THSD7B: variants seen among roughly 807,000 people sequenced by gnomAD.
THSD7B encodes thrombospondin type-1 domain-containing protein 7B.
THSD7B carries 138 observed loss-of-function variants against 213.6 expected under a neutral mutation model. The ratio of observed to expected loss-of-function variants is 0.65; its 90% CI spans 0.56 to 0.74. THSD7B has a LOEUF of 0.74. Among genes scored for constraint, THSD7B ranks in the 30% least tolerant of loss-of-function variants. THSD7B has a pLI of 0.00. For synonymous variants in THSD7B, 742 were observed against 687.0 expected (o/e 1.08, Z -1.25); for missense variants, 1,931 against 1,991.5 (o/e 0.97, Z 0.58).
At chr2:137,313,311 C>T (rs987361230) in intron 12 of THSD7B, among the ~76,000 whole-genome samples, 1 of 152,038 alleles carries the variant, frequency 6.6e-6, no homozygotes, top group African/African-American at 2.4e-5. Context: ...TCTGTTTTAT[C>T]AGAGATGAGG....
chr2:137,204,768 A>G (rs1680948606), intron 7 of THSD7B, among the ~76,000 whole-genome samples: 1 of 151,878 alleles, frequency 6.6e-6, no homozygotes, highest in South Asian at 2.1e-4. Flanking sequence ...TTATACTGAA[A>G]AGTATGATTT....
intron 2 of THSD7B, among the ~76,000 whole-genome samples, chr2:136,886,280 G>A (rs12691900): frequency 0.89 from 135,825 of 152,132 alleles, 60,791 homozygotes; most frequent in East Asian, 0.93. Context: ...TGACTTTCTT[G>A]TTGACTTTCT....
At chr2:137,309,882 G>A (rs187064119) in intron 12 of THSD7B, among the ~76,000 whole-genome samples, 3,405 of 151,760 alleles carry the variant, frequency 0.022, 108 homozygotes, top group African/African-American at 0.068. Context: ...TATATGTGCC[G>A]CATTTTCTTA....
At chr2:136,783,654 C>T (rs149847297) in intron 1 of THSD7B, among the ~76,000 whole-genome samples, 103 of 152,238 alleles carry the variant, frequency 6.8e-4, no homozygotes, top group African/African-American at 2.1e-3. Flanking sequence ...GCCTCCCACC[C>T]GCAATCTCCT....
At chr2:137,559,300 C>G (rs999211635) in intron 15 of THSD7B, among the ~76,000 whole-genome samples, 1 of 152,168 alleles carries the variant, frequency 6.6e-6, no homozygotes, top group Non-Finnish European at 1.5e-5. Context: ...ATCACGCTAC[C>G]TGACTTCAAA....
At chr2:137,656,451 G>C (rs1428352683) in intron 22 of THSD7B, among the ~76,000 whole-genome samples, 6 of 151,988 alleles carry the variant, frequency 3.9e-5, no homozygotes. Context: ...ATTTTATGAT[G>C]TTATTCTGAT....
At chr2:137,074,432 T>A (rs1687571817) in intron 3 of THSD7B, among the ~76,000 whole-genome samples, 6 of 152,216 alleles carry the variant, frequency 3.9e-5, no homozygotes, top group Admixed American at 3.9e-4. Flanking sequence ...GTTTTCCATT[T>A]GCTTGGTAGA....
chr2:137,339,057 G>A (rs529142244), intron 12 of THSD7B, among the ~76,000 whole-genome samples: 131 of 152,086 alleles, frequency 8.6e-4, no homozygotes, highest in Admixed American at 2.6e-3. Context: ...TAAAGAAGTA[G>A]GAGCCTAAAT....
chr2:136,946,590 G>A (rs577884414), intron 2 of THSD7B, among the ~76,000 whole-genome samples: 2 of 152,196 alleles, frequency 1.3e-5, no homozygotes, highest in East Asian at 1.9e-4. Flanking sequence ...GCCGCAAGAG[G>A]TGGAGTCTAT....
At position 136,817,127 on chromosome 2, in the gene THSD7B, G is replaced by A. The variant is rs147421180; in HGVS notation, c.-36+51440G>A. On this transcript the variant is annotated intron_variant, in intron 1 of 27. Coordinates refer to ENST00000409968, the MANE Select transcript of THSD7B (RefSeq NM_001316349.2). ...CAATGCTAGCAGTAACATGCTGACC[G>A]GATGTAATTTAGATAAATAAAACTG... Among the ~76,000 whole-genome samples, 17 of 152,256 alleles carry A rather than the reference G, an allele frequency of 1.1e-4. 1 individual carries two copies. The East Asian group carries it at 2.7e-3, about 24-fold the overall frequency.
chr2:137,582,423 T>C (rs1230866163), intron 17 of THSD7B, among the ~76,000 whole-genome samples: 1 of 152,176 alleles, frequency 6.6e-6, no homozygotes, highest in South Asian at 2.1e-4. Flanking sequence ...ATGTGCCGTG[T>C]TGGTGTGCTG....
At chr2:136,926,724 A>G (rs1372997751) in intron 2 of THSD7B, among the ~76,000 whole-genome samples, 1 of 151,852 alleles carries the variant, frequency 6.6e-6, no homozygotes, top group Non-Finnish European at 1.5e-5. Flanking sequence ...AAACACAAAA[A>G]ACAGTGCTCA....
In THSD7B at chr2:137,528,398, C is replaced by T. The variant is rs887852485; in HGVS notation, c.3139-34823C>T. 9.2e-5 allele frequency among the ~76,000 whole-genome samples: 14 copies of T among 152,172 alleles called. No homozygotes were observed. The Middle Eastern group carries it at 0.024, about 259-fold the overall frequency. ...TGTTAAGTACAGATAGTAATGACTA[C>T]CTCACTGGATTTTTTATGAGGCGCA... On this transcript the variant is annotated intron_variant, in intron 15 of 27. Transcript: ENST00000409968.
At chr2:137,215,951 T>G (rs1681233078) in intron 7 of THSD7B, among the ~76,000 whole-genome samples, 1 of 152,158 alleles carries the variant, frequency 6.6e-6, no homozygotes, top group African/African-American at 2.4e-5. Flanking sequence ...TGTTTCAATA[T>G]TTTATGAAAT....
chr2:137,406,145 G>A (rs1003478885), intron 13 of THSD7B, among the ~76,000 whole-genome samples: 5 of 152,198 alleles, frequency 3.3e-5, no homozygotes, highest in African/African-American at 1.2e-4. Context: ...CAGGATCTCA[G>A]TGAGCTTGAA....
At chr2:136,908,530 A>T (rs2105020537) in intron 2 of THSD7B, among the ~76,000 whole-genome samples, 1 of 152,346 alleles carries the variant, frequency 6.6e-6, no homozygotes. Flanking sequence ...ATATGACTGA[A>T]ATCCATCAGG....
chr2:136,910,189 A>T (rs1684234412), intron 2 of THSD7B, among the ~76,000 whole-genome samples: 1 of 152,024 alleles, frequency 6.6e-6, no homozygotes. Flanking sequence ...AGACAACTAG[A>T]GTGGAGTATA....
intron 12 of THSD7B, among the ~76,000 whole-genome samples, 194 bp downstream of exon 12, chr2:137,276,220 A>G (rs1042769182): frequency 6.6e-6 from 1 of 152,122 alleles, no homozygotes; most frequent in Non-Finnish European, 1.5e-5. Context: ...AACTATAACC[A>G]GTTAGTGTAC....
At chr2:136,881,942 C>CA (rs1683631647) in intron 1 of THSD7B, among the ~76,000 whole-genome samples, 3 of 152,096 alleles carry the variant, frequency 2.0e-5, no homozygotes, top group Middle Eastern at 3.2e-3. Context: ...CACTTCACTA[C>CA]AAAAAATAAT....
Sources: allele counts gnomAD v4.1 joint callset (sites outside exome capture counted in the v4.1 genomes callset), GRCh38; gene constraint gnomAD v4.1.1; transcripts MANE v1.5; gene names NCBI Gene and HGNC (gene_info 2026-07-23, HGNC 2026-07-21).